Variants in ZNF782 observed in about 807,000 individuals in gnomAD.
ZNF782 encodes zinc finger protein 782.
Under a neutral mutation model 13.0 loss-of-function variants are expected in ZNF782, and 12 were observed. The observed-to-expected ratio is 0.92, with a 90% CI of 0.59 to 1.50. The LOEUF is 1.50. Among genes scored for constraint, ZNF782 ranks in the 40% most tolerant of loss-of-function variants. The probability of loss-of-function intolerance (pLI) is 0.00; values close to 1 mark genes in which losing one functional copy is unlikely to be tolerated. For missense variants in ZNF782, 770 were observed against 822.9 expected, an observed-to-expected ratio of 0.94 and a Z score of 0.79; for synonymous variants, 284 against 283.0, an observed-to-expected ratio of 1.00 and a Z score of -0.04.
the ZNF782 span, among the ~76,000 whole-genome samples, chr9:96,899,046 T>C: frequency 4.0e-5 from 6 of 149,008 alleles, no homozygotes; most frequent in Non-Finnish European, 5.9e-5. Flanking sequence ...TAACCACCAT[T>C]CTACTTTCTG....
the ZNF782 span, among the ~76,000 whole-genome samples, chr9:96,926,877 G>T: frequency 2.0e-5 from 3 of 152,076 alleles, no homozygotes. Context: ...GCACTGGTCC[G>T]GCTGAAGGCC....
chr9:96,829,839 T>G (rs1177680682), intron 4 of ZNF782, among the ~76,000 whole-genome samples: 5 of 152,164 alleles, frequency 3.3e-5, no homozygotes. Flanking sequence ...CATATTCTAG[T>G]AGAAATATGG....
intron 1 of ZNF782, among the ~76,000 whole-genome samples, chr9:96,872,400 A>G (rs914745335): frequency 6.6e-6 from 1 of 151,958 alleles, no homozygotes; most frequent in Non-Finnish European, 1.5e-5. Context: ...GTGTGGTGGC[A>G]CACACCTGTA....
chr9:96,903,749 A>G, the ZNF782 span, among the ~76,000 whole-genome samples: 4 of 151,046 alleles, frequency 2.6e-5, no homozygotes, highest in East Asian at 1.9e-4. Context: ...TTTTTAGTAG[A>G]GAGGGGGTTT....
At chr9:96,872,499 C>A (rs1851839989) in intron 1 of ZNF782, among the ~76,000 whole-genome samples, 1 of 151,438 alleles carries the variant, frequency 6.6e-6, no homozygotes. Context: ...CCACTGCACT[C>A]CAGCCTGGGC....
At chr9:96,932,692 G>A in the ZNF782 span, among the ~76,000 whole-genome samples, 3 of 139,954 alleles carry the variant, frequency 2.1e-5, no homozygotes, top group South Asian at 4.5e-4. Flanking sequence ...CACTCTTGTT[G>A]CCCAGGCTGG....
At chr9:96,916,234 G>A in the ZNF782 span, among the ~76,000 whole-genome samples, 1 of 151,946 alleles carries the variant, frequency 6.6e-6, no homozygotes, top group Non-Finnish European at 1.5e-5. Context: ...GCTCACGCCT[G>A]TAATCCCAGC....
At chr9:96,867,580 C>A (rs1383456961) in intron 1 of ZNF782, among the ~76,000 whole-genome samples, 1 of 152,198 alleles carries the variant, frequency 6.6e-6, no homozygotes, top group Non-Finnish European at 1.5e-5. Context: ...TTTAGTCTAG[C>A]CAAGATGTCT....
At chr9:96,930,896 T>G in the ZNF782 span, among the ~76,000 whole-genome samples, 2 of 85,158 alleles carry the variant, frequency 2.3e-5, no homozygotes, top group South Asian at 7.4e-4. Flanking sequence ...TTTTTTTTTT[T>G]TTTTTTTTTT....
At position 96,854,477 on chromosome 9, in the gene ZNF782, C is replaced by G. The variant is rs1851606769; in HGVS notation, c.-651G>C. 1 of 152,440 alleles carries G rather than the reference C, an allele frequency of 6.6e-6. No individual in the cohort carries two copies. Among genetic ancestry groups the G allele is most frequent in the East Asian group, 1.9e-4 (1 of 5,176 alleles). 9.4% of individuals were successfully genotyped at this position (152,440 alleles called of 1,614,324 possible). A position where few individuals can be genotyped will look rare whatever the true frequency, so the allele number is the denominator to read the frequency against. On this transcript the variant is annotated 5_prime_UTR_variant, in exon 1 of 6. Coordinates refer to ENST00000481138, the MANE Select transcript of ZNF782 (RefSeq NM_001001662.3). ...CCCCCGAGCTTCCCAAACCGCTTCC[C>G]GGGAGTCTCGAGAACCCAAATGAGG...
At chr9:96,848,638 C>A (rs1377323521) in intron 3 of ZNF782, among the ~76,000 whole-genome samples, 1 of 152,078 alleles carries the variant, frequency 6.6e-6, no homozygotes, top group African/African-American at 2.4e-5. Flanking sequence ...GGTGAAAGAT[C>A]TCTACAAGAA....
chr9:96,928,126 T>C, the ZNF782 span, among the ~76,000 whole-genome samples: 2 of 151,878 alleles, frequency 1.3e-5, no homozygotes, highest in African/African-American at 4.9e-5. Flanking sequence ...AGGCTGGTCA[T>C]TGCCTATTCC....
the ZNF782 span, among the ~76,000 whole-genome samples, chr9:96,914,965 A>G: frequency 1.3e-5 from 2 of 149,830 alleles, no homozygotes; most frequent in Admixed American, 6.6e-5. Context: ...CGAAAGCACC[A>G]TTTGCCTGTA....
chr9:96,880,871 T>C, the ZNF782 span, among the ~76,000 whole-genome samples: 1 of 152,196 alleles, frequency 6.6e-6, no homozygotes, highest in Non-Finnish European at 1.5e-5. Context: ...ATTTCATCTT[T>C]AAAAGTTTGG....
chr9:96,889,321 A>C, the ZNF782 span: 2 of 152,148 alleles, frequency 1.3e-5, no homozygotes, highest in Admixed American at 1.3e-4. Flanking sequence ...CTATCCAGCC[A>C]TTTAATGCCA....
the ZNF782 span, among the ~76,000 whole-genome samples, chr9:96,884,379 C>A: frequency 6.6e-6 from 1 of 152,204 alleles, no homozygotes; most frequent in African/African-American, 2.4e-5. Flanking sequence ...TGGGTGCTGA[C>A]CCTTCACCTC....
At chr9:96,875,337 T>A (rs1383938138) in intron 1 of ZNF782, 1 of 384,212 alleles carries the variant, frequency 2.6e-6, no homozygotes. Context: ...GTAACTGCAC[T>A]TGGCTGTTTG....
intron 1 of ZNF782, among the ~76,000 whole-genome samples, chr9:96,866,806 G>A (rs906935073): frequency 6.6e-6 from 1 of 152,262 alleles, no homozygotes; most frequent in Non-Finnish European, 1.5e-5. Flanking sequence ...AGACCTGGAT[G>A]TGAGACATGG....
At chr9:96,821,291 A>G (rs939467802) in intron 5 of ZNF782, among the ~76,000 whole-genome samples, 3 of 152,208 alleles carry the variant, frequency 2.0e-5, no homozygotes, top group Admixed American at 6.5e-5. Flanking sequence ...TTGACAGGAT[A>G]TCACCAGTAA....
Sources: gnomAD v4.1 joint callset for allele counts (sites outside exome capture counted in the v4.1 genomes callset) on GRCh38, gnomAD v4.1.1 for gene constraint, MANE v1.5 for transcripts, NCBI Gene and HGNC (gene_info 2026-07-23, HGNC 2026-07-21) for gene names.